The following TMEM74B variants were observed in gnomAD, a reference collection of about 807,000 sequenced individuals.
TMEM74B encodes transmembrane protein C20orf46.
TMEM74B carries 7 observed loss-of-function variants against 6.5 expected under a neutral mutation model. The ratio of observed to expected loss-of-function variants is 1.07; its 90% confidence interval spans 0.61 to 2.01. The LOEUF (loss-of-function observed/expected upper bound fraction) is 2.01. TMEM74B is among the 30% of genes most tolerant of loss of function. The pLI is 0.00. For synonymous variants in TMEM74B, 151 were observed against 151.6 expected, an observed-to-expected ratio of 1.00 and a Z score of 0.03; for missense variants, 342 against 337.0, an observed-to-expected ratio of 1.01 and a Z score of -0.12.
At chr20:1,186,625 T>C (rs1201528000), upstream of TMEM74B, 6 of 152,208 alleles carry the variant, frequency 3.9e-5, no homozygotes, top group African/African-American at 1.4e-4. Context: ...GAGTGTGCCA[T>C]GTCCTGCTCC....
Position 1,181,688 on chromosome 20 carries a change from T to G in TMEM74B, c.32-101A>C. The G allele has an allele frequency of 7.7e-7, 1 of 1,301,282 alleles. No homozygotes were observed. Among genetic ancestry groups the G allele is most frequent in the Non-Finnish European group, 9.9e-7 (1 of 1,007,518 alleles). The allele number at this position is 1,301,282 out of a possible 1,614,324, so 80.6% of individuals were successfully genotyped here. A position where few individuals can be genotyped will look rare whatever the true frequency, so the allele number is the denominator to read the frequency against. On this transcript the variant is annotated intron_variant, in intron 2 of 2. Coordinates refer to ENST00000429036, the MANE Select transcript of TMEM74B (RefSeq NM_001304748.2). This position sits in a 1 kb window ranked among gnomAD's most constrained non-coding sequence, Gnocchi z 4.9. The stretch of plus-strand genomic sequence containing the variant: ...GCACATGAAGGTGAGTCAGGCACAA[T>G]TCCCACTTGGGGGTGTCTGCCAGAC...
Position 1,184,821 on chromosome 20 carries a change from G to A in TMEM74B, c.-667C>T, listed in dbSNP as rs1235413224. The A allele has an allele frequency of 6.6e-6, 1 of 152,336 alleles. No homozygotes were observed. The highest frequency in any genetic ancestry group is 1.5e-5 in the Non-Finnish European group (1 of 68,132). The allele number at this position is 152,336 out of a possible 1,614,324, so 9.4% of individuals were successfully genotyped here. ...GACACACGCACGAGTTGTACACAAA[G>A]CCTTGGGGCGCGCAGATACGCACAC... On this transcript the variant is annotated 5_prime_UTR_variant, in exon 1 of 3. Transcript: ENST00000429036. The surrounding 1 kb of genome is among the most constrained non-coding windows in gnomAD (Gnocchi z 6.0).
At chr20:1,182,319 G>A (rs2086893373) in intron 2 of TMEM74B, among the ~76,000 whole-genome samples, 1 of 152,106 alleles carries the variant, frequency 6.6e-6, no homozygotes, top group South Asian at 2.1e-4. Flanking sequence ...AGGTGATGAG[G>A]GCATTCTGGA....
chr20:1,183,670 C>T, intron 2 of TMEM74B, 101 bp downstream of exon 2: 1 of 1,439,668 alleles, frequency 6.9e-7, no homozygotes, highest in South Asian at 1.2e-5. Flanking sequence ...GAATTACTGT[C>T]TCTATTTCAT....
In TMEM74B at chr20:1,180,785, C is replaced by G. The variant is rs201417623; in HGVS notation, c.*63G>C. 6.6e-7 allele frequency: 1 copy of G among 1,513,406 alleles called. No individual in the cohort carries two copies. The highest frequency in any genetic ancestry group is 8.8e-7 in the Non-Finnish European group (1 of 1,131,570). The allele number at this position is 1,513,406 out of a possible 1,614,324, so 93.7% of individuals were successfully genotyped here. The stretch of plus-strand genomic sequence containing the variant: ...AGGGCCTTGGCAGGGGTCAGGTGGG[C>G]GGGAGCAGGGGGTGGACCTTGTAGC... On this transcript the variant is annotated 3_prime_UTR_variant, in exon 3 of 3. Transcript: ENST00000429036. This position sits in a 1 kb window ranked among gnomAD's most constrained non-coding sequence, Gnocchi z 6.1.
chr20:1,181,446 C>T lies in TMEM74B; in HGVS notation c.173G>A (p.Gly58Asp). Reference sequence around the variant, plus strand: ...TGAGGAGAAGCAGGCATTCTCCACACCCTCCCTGGTTGGGGCCACTGGGCC... The same window carrying T: ...TGAGGAGAAGCAGGCATTCTCCACATCCTCCCTGGTTGGGGCCACTGGGCC... Reference protein sequence around the residue: ...PLGPVAPTREGVENACFSSEE... With the variant: ...PLGPVAPTREDVENACFSSEE... The change falls in exon 3 of 3, where the codon GGT becomes GAT. Residue 58 changes from glycine (G) to aspartate (D), a missense_variant. Physicochemically the swap from Gly to Asp is moderately conservative, Grantham distance 94 (BLOSUM62 -1). Coordinates refer to ENST00000429036, the MANE Select transcript of TMEM74B (RefSeq NM_001304748.2). This position sits in a 1 kb window ranked among gnomAD's most constrained non-coding sequence, Gnocchi z 4.9. 6.6e-7 allele frequency: 1 copy of T among 1,516,444 alleles called. No homozygotes were observed. Among genetic ancestry groups the T allele is most frequent in the Non-Finnish European group, 8.8e-7 (1 of 1,132,940 alleles). 93.9% of individuals were successfully genotyped at this position (1,516,444 alleles called of 1,614,324 possible). A position where few individuals can be genotyped will look rare whatever the true frequency, so the allele number is the denominator to read the frequency against.
rs1377227411 is a variant in TMEM74B at position 1,181,699 on chromosome 20, G to A, written c.32-112C>T. On this transcript the variant is annotated intron_variant, in intron 2 of 2. Coordinates refer to ENST00000429036, the MANE Select transcript of TMEM74B (RefSeq NM_001304748.2). This position sits in a 1 kb window ranked among gnomAD's most constrained non-coding sequence, Gnocchi z 4.9. ...TGAGTCAGGCACAATTCCCACTTGG[G>A]GGTGTCTGCCAGACAGAGGGGAAGA... The A allele has an allele frequency of 3.2e-6, 4 of 1,244,786 alleles. No homozygotes were observed. In the East Asian group the frequency reaches 1.1e-4, roughly 35 times the overall value. The allele number at this position is 1,244,786 out of a possible 1,614,324, so 77.1% of individuals were successfully genotyped here.
chr20:1,186,886 G>T (rs2087029100), upstream of TMEM74B, among the ~76,000 whole-genome samples: 1 of 152,136 alleles, frequency 6.6e-6, no homozygotes, highest in Non-Finnish European at 1.5e-5. Context: ...TCAAATCCCA[G>T]CTCCACCCCC....
upstream of TMEM74B, among the ~76,000 whole-genome samples, chr20:1,187,802 A>G (rs562964964): frequency 1.3e-5 from 2 of 152,300 alleles, no homozygotes; most frequent in South Asian, 2.1e-4. Context: ...CTGGTAGGAG[A>G]CGAGCCTGGG....
At position 1,181,609 on chromosome 20, in the gene TMEM74B, C is replaced by A. The variant is rs1245793824; in HGVS notation, c.32-22G>T. 2.1e-6 allele frequency: 3 copies of A among 1,454,534 alleles called. No homozygotes were observed. Among genetic ancestry groups the A allele is most frequent in the East Asian group, 2.5e-5 (1 of 40,428 alleles). The allele number at this position is 1,454,534 out of a possible 1,614,324, so 90.1% of individuals were successfully genotyped here. On this transcript the variant is annotated intron_variant, in intron 2 of 2. Transcript: ENST00000429036. This position sits in a 1 kb window ranked among gnomAD's most constrained non-coding sequence, Gnocchi z 4.9. Reference sequence around the variant, plus strand: ...GCAGCTGGAAGAGAAAAAAGAAAGTCAGTTGAATGTAGCAACCTCTCCCTG... The same window carrying A: ...GCAGCTGGAAGAGAAAAAAGAAAGTAAGTTGAATGTAGCAACCTCTCCCTG...
rs553328399 is a variant in TMEM74B, at chr20:1,184,912, G to T, written c.-758C>A. 1.3e-3 allele frequency among the ~76,000 whole-genome samples: 199 copies of T among 152,216 alleles called. 1 individual carries two copies. The highest frequency in any genetic ancestry group is 3.9e-3 in the South Asian group (19 of 4,824). ...CCCCAGCACGCCGGCTGCCCACCGC[G>T]CCCGCTCCCGCCGGCCCAGTCCACA... On this transcript the variant is annotated 5_prime_UTR_variant, in exon 1 of 3. Coordinates refer to ENST00000429036, the MANE Select transcript of TMEM74B (RefSeq NM_001304748.2). The surrounding 1 kb of genome is among the most constrained non-coding windows in gnomAD (Gnocchi z 6.0).
chr20:1,189,323 A>G (rs1031842657), upstream of TMEM74B: 2 of 152,244 alleles, frequency 1.3e-5, no homozygotes, highest in South Asian at 2.1e-4. This position sits in a 1 kb window ranked among gnomAD's most constrained non-coding sequence, Gnocchi z 4.5. Context: ...TAACGACTCA[A>G]TGTAGTGTGG....
Position 1,181,332 on chromosome 20 carries a change from C to G in TMEM74B, c.287G>C (p.Arg96Pro). Residue 96 changes from arginine to proline, a missense_variant, in exon 3 of 3, where the codon CGA becomes CCA. Transcript: ENST00000429036. The surrounding 1 kb of genome is among the most constrained non-coding windows in gnomAD (Gnocchi z 4.9). ...SPPGGVSSLP[R>P]SQRDDLSLHS... ...AAGGGACAGATCATCCCGCTGGGAT[C>G]GGGGCAGTGAGGAGACACCCCCAGG... is the stretch of plus-strand genomic sequence containing the variant. 6.3e-7 allele frequency: 1 copy of G among 1,593,234 alleles called. No homozygotes were observed. The highest frequency in any genetic ancestry group is 8.6e-7 in the Non-Finnish European group (1 of 1,168,292).
rs2086958904 is a variant in TMEM74B, at chr20:1,184,371, C to A, written c.-217G>T. 1 of 152,598 alleles carries A rather than the reference C, an allele frequency of 6.6e-6. No homozygotes were observed. Among genetic ancestry groups the A allele is most frequent in the Non-Finnish European group, 1.5e-5 (1 of 68,322 alleles). 9.5% of individuals were successfully genotyped at this position (152,598 alleles called of 1,614,324 possible). A position where few individuals can be genotyped will look rare whatever the true frequency, so the allele number is the denominator to read the frequency against. On this transcript the variant is annotated 5_prime_UTR_variant, in exon 1 of 3. Transcript: ENST00000429036. The surrounding 1 kb of genome is among the most constrained non-coding windows in gnomAD (Gnocchi z 6.0). Reference sequence around the variant, plus strand: ...ATTCACCAGTTACACAAAGGCCGTGCCCAATTACCCTAACATAAGCAGAAA... The same window carrying A: ...ATTCACCAGTTACACAAAGGCCGTGACCAATTACCCTAACATAAGCAGAAA...
chr20:1,182,059 C>G (rs535243603), intron 2 of TMEM74B, among the ~76,000 whole-genome samples: 226 of 152,142 alleles, frequency 1.5e-3, no homozygotes, highest in African/African-American at 5.2e-3. Flanking sequence ...TTCATCTTAT[C>G]TATAAAATGG....
upstream of TMEM74B, among the ~76,000 whole-genome samples, chr20:1,185,689 G>A (rs1416000346): frequency 6.6e-6 from 1 of 151,734 alleles, no homozygotes; most frequent in African/African-American, 2.4e-5. Context: ...GGAGCCCGCG[G>A]TCCACGGGCG....
chr20:1,186,669 T>G (rs1459962889), upstream of TMEM74B, among the ~76,000 whole-genome samples: 1 of 152,092 alleles, frequency 6.6e-6, no homozygotes, highest in Non-Finnish European at 1.5e-5. Flanking sequence ...TGACCTGCCC[T>G]CCTCCAAAGT....
In TMEM74B at chr20:1,183,933, G is replaced by A. The variant is rs185793945; in HGVS notation, c.-132C>T. On this transcript the variant is annotated 5_prime_UTR_variant, in exon 2 of 3. Transcript: ENST00000429036. The stretch of plus-strand genomic sequence containing the variant: ...AATTCCATCTGGGTCCCCAGCCTGC[G>A]CCCAGACTGCTTTTACTTTCCAGTG... 1.1e-5 allele frequency: 11 copies of A among 978,020 alleles called. No individual in the cohort carries two copies. Among genetic ancestry groups the A allele is most frequent in the East Asian group, 5.1e-5 (2 of 39,134 alleles). 60.6% of individuals were successfully genotyped at this position (978,020 alleles called of 1,614,324 possible). A position where few individuals can be genotyped will look rare whatever the true frequency, so the allele number is the denominator to read the frequency against.
At chr20:1,183,223 GCA>G (rs1184501299) in intron 2 of TMEM74B, among the ~76,000 whole-genome samples, 2 of 151,996 alleles carry the variant, frequency 1.3e-5, no homozygotes, top group Admixed American at 6.5e-5. Flanking sequence ...ACACATACAT[GCA>G]CACACACACG....
Sources: gnomAD v4.1 joint callset for allele counts (sites outside exome capture counted in the v4.1 genomes callset) on GRCh38, gnomAD v4.1.1 for gene constraint, Gnocchi (gnomAD v3.1) non-coding constraint, MANE v1.5 for transcripts, NCBI Gene and HGNC (gene_info 2026-07-23, HGNC 2026-07-21) for gene names.